Variants in PDE8A observed in about 807,000 individuals in gnomAD.
PDE8A encodes the protein high affinity cAMP-specific and IBMX-insensitive 3',5'-cyclic phosphodiesterase 8A.
PDE8A carries 59 observed loss-of-function variants against 105.0 expected under a neutral mutation model. The ratio of observed to expected loss-of-function variants is 0.56; its 90% CI spans 0.46 to 0.70. PDE8A has a LOEUF of 0.70. PDE8A is among the 30% of genes least tolerant of loss of function. The pLI is 0.00. For synonymous variants in PDE8A, 355 were observed against 371.9 expected, an observed-to-expected ratio of 0.95 and a Z score of 0.52; for missense variants, 1,014 against 1,045.9, an observed-to-expected ratio of 0.97 and a Z score of 0.42.
At chr15:84,984,119 A>G (rs2079765083) in intron 1 of PDE8A, among the ~76,000 whole-genome samples, 1 of 152,242 alleles carries the variant, frequency 6.6e-6, no homozygotes, top group Non-Finnish European at 1.5e-5. Flanking sequence ...TTTTTCAGTC[A>G]TTGGAATTTG....
intron 1 of PDE8A, among the ~76,000 whole-genome samples, chr15:85,002,206 A>T (rs1314860362): frequency 6.6e-6 from 1 of 151,960 alleles, no homozygotes. Flanking sequence ...TGCCAATCGA[A>T]AGTAGTAGGT....
intron 1 of PDE8A, among the ~76,000 whole-genome samples, chr15:84,985,242 C>G (rs2079783716): frequency 6.6e-6 from 1 of 152,216 alleles, no homozygotes; most frequent in Non-Finnish European, 1.5e-5. Context: ...TAATTTGCTT[C>G]TTAATGATTC....
chr15:85,052,743 A>G (rs1418016744), intron 1 of PDE8A, among the ~76,000 whole-genome samples: 16 of 152,106 alleles, frequency 1.1e-4, no homozygotes, highest in African/African-American at 3.9e-4. Context: ...AGATGGGTAG[A>G]TTGTAAAAAT....
At chr15:85,012,497 A>G (rs1327516709) in intron 1 of PDE8A, among the ~76,000 whole-genome samples, 4 of 140,538 alleles carry the variant, frequency 2.8e-5, no homozygotes, top group African/African-American at 5.2e-5. Context: ...GAATTGAACA[A>G]TGAGAACACA....
At chr15:84,988,108 C>T (rs2079832589) in intron 1 of PDE8A, among the ~76,000 whole-genome samples, 2 of 152,152 alleles carry the variant, frequency 1.3e-5, no homozygotes, top group East Asian at 1.9e-4. Flanking sequence ...TCATTTAATC[C>T]TTTCAACCCT....
chr15:85,121,307 C>G (rs2082178254), intron 18 of PDE8A, among the ~76,000 whole-genome samples: 1 of 151,146 alleles, frequency 6.6e-6, no homozygotes, highest in African/African-American at 2.4e-5. Flanking sequence ...GTCCCAGCTA[C>G]TCGGGAGGCT....
chr15:85,028,945 C>T (rs1433168141), intron 1 of PDE8A, among the ~76,000 whole-genome samples: 1 of 152,122 alleles, frequency 6.6e-6, no homozygotes, highest in Admixed American at 6.6e-5. Flanking sequence ...AGTTAAATTG[C>T]AGTCCAACAA....
In PDE8A at chr15:85,126,248, G is replaced by T; in HGVS notation, c.2127G>T (p.Arg709Ser). 1 of 1,612,450 alleles carries T rather than the reference G, an allele frequency of 6.2e-7. No homozygotes were observed. The highest frequency in any genetic ancestry group is 1.1e-5 in the South Asian group (1 of 90,782). Residue 709 changes from arginine (R) to serine (S), a missense_variant, in exon 20 of 22, where the codon AGG (arginine) becomes AGT (serine). Arg to Ser is a moderately radical substitution (Grantham distance 110). Coordinates refer to ENST00000394553, the MANE Select transcript of PDE8A (RefSeq NM_002605.3). ...KNQEVINTML[R>S]TPENRTLIKR... ...AGGAAGTGATAAACACTATGCTTAGGACTCCAGAGAACCGGACCCTAATCA... is the reference window on the plus strand; with the variant it reads ...AGGAAGTGATAAACACTATGCTTAGTACTCCAGAGAACCGGACCCTAATCA...
intron 3 of PDE8A, among the ~76,000 whole-genome samples, chr15:85,069,347 C>G (rs16974769): frequency 0.089 from 13,485 of 152,240 alleles, 1,664 homozygotes; most frequent in African/African-American, 0.28. Flanking sequence ...CTGGGGCTCA[C>G]TAAGTGAAAC....
intron 3 of PDE8A, among the ~76,000 whole-genome samples, chr15:85,074,199 C>T (rs1359457825): frequency 1.3e-5 from 2 of 152,190 alleles, no homozygotes; most frequent in African/African-American, 4.8e-5. Context: ...CTTTCTCAAC[C>T]TGGATTCCAT....
At chr15:84,998,539 T>C (rs1355560797) in intron 1 of PDE8A, among the ~76,000 whole-genome samples, 1 of 152,232 alleles carries the variant, frequency 6.6e-6, no homozygotes, top group Non-Finnish European at 1.5e-5. Context: ...CATGTACAGA[T>C]ACCTATTTTT....
intron 8 of PDE8A, among the ~76,000 whole-genome samples, chr15:85,096,961 C>G (rs2081765400): frequency 6.6e-6 from 1 of 152,092 alleles, no homozygotes; most frequent in Admixed American, 6.5e-5. Context: ...TTGCCATGTA[C>G]CAAACAAGAA....
At chr15:85,133,447 G>A (rs896935756) in intron 20 of PDE8A, among the ~76,000 whole-genome samples, 1 of 152,162 alleles carries the variant, frequency 6.6e-6, no homozygotes, top group African/African-American at 2.4e-5. Context: ...AAACTGGGCC[G>A]CTGCCTCCTC....
At chr15:85,113,759 A>C in intron 13 of PDE8A, 114 bp from the exon 14 acceptor site, 1 of 786,550 alleles carries the variant, frequency 1.3e-6, no homozygotes, top group East Asian at 2.6e-5. Flanking sequence ...GGCTCAAGTA[A>C]TTCTCCCACC....
intron 1 of PDE8A, among the ~76,000 whole-genome samples, chr15:85,029,416 CT>C (rs34741081): frequency 3.7e-4 from 52 of 139,688 alleles, no homozygotes; most frequent in East Asian, 6.2e-4. Context: ...CCTCACGGGT[CT>C]TTTTTTTTTT....
At chr15:85,121,142 T>C (rs566505826) in intron 18 of PDE8A, 128 bp downstream of exon 18, 3 of 618,526 alleles carry the variant, frequency 4.9e-6, no homozygotes, top group Admixed American at 3.2e-5. Context: ...GGGCCGGACA[T>C]AGTGGCTCAT....
intron 1 of PDE8A, among the ~76,000 whole-genome samples, chr15:85,042,283 C>G (rs1019837953): frequency 6.6e-6 from 1 of 151,980 alleles, no homozygotes; most frequent in Non-Finnish European, 1.5e-5. Flanking sequence ...CTCAATTGAT[C>G]CTCTCACTTC....
At chr15:84,990,621 A>G (rs769337624) in intron 1 of PDE8A, among the ~76,000 whole-genome samples, 4 of 152,188 alleles carry the variant, frequency 2.6e-5, no homozygotes, top group Admixed American at 6.5e-5. Flanking sequence ...TCACTTATCT[A>G]TTCTTTTGTT....
At chr15:85,058,405 T>TA (rs1339964512) in intron 1 of PDE8A, among the ~76,000 whole-genome samples, 4 of 152,294 alleles carry the variant, frequency 2.6e-5, no homozygotes, top group Non-Finnish European at 1.5e-5. Flanking sequence ...GGTATCAAGG[T>TA]AATACTGGCG....
Sources: allele counts gnomAD v4.1 joint callset (sites outside exome capture counted in the v4.1 genomes callset), GRCh38; gene constraint gnomAD v4.1.1; transcripts MANE v1.5; gene names NCBI Gene and HGNC (gene_info 2026-07-23, HGNC 2026-07-21).